Variants in METTL25 observed in about 807,000 individuals in gnomAD.
METTL25 encodes methyltransferase like 25.
In METTL25, 64 loss-of-function variants were observed where a neutral mutation model predicts 71.6. That is an observed-to-expected ratio of 0.89 (90% CI 0.73 to 1.10). The LOEUF is 1.10. Ranked by LOEUF, METTL25 falls within the 50% of genes least tolerant of loss-of-function variation. The pLI is 0.00. For synonymous variants in METTL25, 287 were observed against 250.3 expected, an observed-to-expected ratio of 1.15 and a Z score of -1.38; for missense variants, 807 against 707.0, an observed-to-expected ratio of 1.14 and a Z score of -1.60.
At chr12:82,397,847 C>A (rs1402970555) in intron 3 of METTL25, among the ~76,000 whole-genome samples, 3 of 151,698 alleles carry the variant, frequency 2.0e-5, no homozygotes, top group African/African-American at 7.3e-5. Flanking sequence ...ATTTATGTGT[C>A]TGTTTTTATA....
intron 8 of METTL25, among the ~76,000 whole-genome samples, chr12:82,439,334 AT>A (rs1485910092): frequency 6.6e-6 from 1 of 151,640 alleles, no homozygotes; most frequent in South Asian, 2.1e-4. Flanking sequence ...GGGTAGGATA[AT>A]TTTTTTCATA....
chr12:82,401,222 C>G (rs1378846114), intron 4 of METTL25, among the ~76,000 whole-genome samples: 1 of 151,490 alleles, frequency 6.6e-6, no homozygotes, highest in Non-Finnish European at 1.5e-5. Context: ...AGGACATAGG[C>G]TAAAATAACA....
intron 9 of METTL25, among the ~76,000 whole-genome samples, chr12:82,460,939 G>C (rs533303175): frequency 3.6e-3 from 546 of 152,228 alleles, no homozygotes; most frequent in Non-Finnish European, 6.5e-3. Context: ...GTTAGGAGAT[G>C]GAGACCATCC....
chr12:82,363,260 A>G (rs140702580), intron 1 of METTL25, among the ~76,000 whole-genome samples: 3 of 152,346 alleles, frequency 2.0e-5, no homozygotes, highest in Admixed American at 6.5e-5. Flanking sequence ...TCCCCTGGCT[A>G]GAGATCCCAC....
At chr12:82,421,349 A>G (rs1888471014) in intron 5 of METTL25, among the ~76,000 whole-genome samples, 1 of 152,180 alleles carries the variant, frequency 6.6e-6, no homozygotes, top group Non-Finnish European at 1.5e-5. Context: ...AGGAATTTCT[A>G]AAACAAACTG....
chr12:82,426,918 C>T (rs770487941), intron 5 of METTL25, among the ~76,000 whole-genome samples: 1 of 151,988 alleles, frequency 6.6e-6, no homozygotes, highest in Non-Finnish European at 1.5e-5. Flanking sequence ...ACCACTTTGT[C>T]TCTAGAACTC....
intron 6 of METTL25, among the ~76,000 whole-genome samples, chr12:82,433,235 C>G (rs1212776724): frequency 6.6e-6 from 1 of 151,454 alleles, no homozygotes; most frequent in African/African-American, 2.4e-5. Flanking sequence ...ACCAAATCGC[C>G]TCTTTTTAAA....
intron 9 of METTL25, among the ~76,000 whole-genome samples, chr12:82,462,754 T>C (rs1409792762): frequency 6.6e-6 from 1 of 152,112 alleles, no homozygotes; most frequent in Admixed American, 6.5e-5. Flanking sequence ...CCTCAGGGGA[T>C]TGGTTCCAGG....
intron 5 of METTL25, among the ~76,000 whole-genome samples, chr12:82,415,643 G>T (rs978476137): frequency 1.3e-5 from 2 of 152,074 alleles, no homozygotes; most frequent in African/African-American, 2.4e-5. Flanking sequence ...AAGAGAAGAC[G>T]GATGTCTCAG....
intron 8 of METTL25, among the ~76,000 whole-genome samples, chr12:82,455,793 A>G (rs897644964): frequency 1.3e-5 from 2 of 151,952 alleles, no homozygotes; most frequent in Non-Finnish European, 1.5e-5. Context: ...ATTTATCCCA[A>G]TAAATGGGAG....
chr12:82,467,846 T>G (rs1184079552), intron 9 of METTL25, among the ~76,000 whole-genome samples: 1 of 152,096 alleles, frequency 6.6e-6, no homozygotes, highest in Non-Finnish European at 1.5e-5. Flanking sequence ...ACTTGGGAAG[T>G]TTTCAACTAT....
chr12:82,473,357 G>A (rs148919592), intron 9 of METTL25, among the ~76,000 whole-genome samples: 5 of 152,262 alleles, frequency 3.3e-5, no homozygotes, highest in Non-Finnish European at 5.9e-5. Context: ...GAACAGGAGC[G>A]CAAGGCTCTT....
intron 4 of METTL25, among the ~76,000 whole-genome samples, chr12:82,401,869 G>T (rs931378604): frequency 2.0e-5 from 3 of 151,924 alleles, no homozygotes; most frequent in African/African-American, 7.2e-5. Context: ...AAAATTGAGA[G>T]GCTACTATTA....
chr12:82,423,980 A>T (rs1269728661), intron 5 of METTL25, among the ~76,000 whole-genome samples: 1 of 152,198 alleles, frequency 6.6e-6, no homozygotes, highest in East Asian at 1.9e-4. Context: ...CAGTGTGGCA[A>T]TTCCTCAGGT....
At position 82,477,326 on chromosome 12, in the gene METTL25, G is replaced by A. The variant is rs1892932428; in HGVS notation, c.1693G>A (p.Asp565Asn). The change falls in exon 11 of 12, where the codon GAT becomes AAT. Residue 565 changes from aspartate to asparagine, a missense_variant. Coordinates refer to ENST00000248306, the MANE Select transcript of METTL25 (RefSeq NM_032230.3). Reference protein sequence around the residue: ...APCIETLILLDRLCYLKEQED... With the variant: ...APCIETLILLNRLCYLKEQED... ...CTGTATAGAGACTTTGATTCTTCTGGATCGACTTTGTTACCTGAAAGAGCA... is the reference window on the plus strand; with the variant it reads ...CTGTATAGAGACTTTGATTCTTCTGAATCGACTTTGTTACCTGAAAGAGCA... 1 of 1,567,012 alleles carries A rather than the reference G, an allele frequency of 6.4e-7. No individual in the cohort carries two copies. The highest frequency in any genetic ancestry group is 8.6e-7 in the Non-Finnish European group (1 of 1,156,800).
intron 9 of METTL25, among the ~76,000 whole-genome samples, chr12:82,472,822 T>C (rs959106150): frequency 1.3e-5 from 2 of 152,224 alleles, no homozygotes; most frequent in Non-Finnish European, 2.9e-5. Flanking sequence ...TCTTTCCTTA[T>C]AGTTTGGTTC....
At chr12:82,384,615 T>TAA (rs139471017) in intron 1 of METTL25, among the ~76,000 whole-genome samples, 2 of 151,250 alleles carry the variant, frequency 1.3e-5, no homozygotes, top group African/African-American at 4.8e-5. Context: ...TACCCTTTTT[T>TAA]AAAAAAAAAT....
At chr12:82,473,855 G>A (rs1892717713) in intron 9 of METTL25, among the ~76,000 whole-genome samples, 1 of 152,124 alleles carries the variant, frequency 6.6e-6, no homozygotes. Flanking sequence ...AGCCAATCCT[G>A]GACCCAGGCC....
chr12:82,365,915 T>C (rs1882512838), intron 1 of METTL25, among the ~76,000 whole-genome samples: 1 of 152,110 alleles, frequency 6.6e-6, no homozygotes, highest in African/African-American at 2.4e-5. Flanking sequence ...ACCCCGTCTC[T>C]ACTAAAAATA....
Sources: allele counts gnomAD v4.1 joint callset (sites outside exome capture counted in the v4.1 genomes callset), GRCh38; gene constraint gnomAD v4.1.1; transcripts MANE v1.5; gene names NCBI Gene and HGNC (gene_info 2026-07-23, HGNC 2026-07-21).